The following COL10A1 variants were observed in gnomAD, a reference collection of about 807,000 sequenced individuals.
COL10A1 encodes the protein collagen type X alpha 1 chain.
A neutral mutation model predicts 18.2 loss-of-function variants in COL10A1; 10 were observed. The ratio of observed to expected loss-of-function variants is 0.55; its 90% CI spans 0.34 to 0.93. The LOEUF is 0.93. Ranked by LOEUF, COL10A1 falls within the 40% of genes least tolerant of loss-of-function variation. COL10A1 has a pLI of 0.02. For synonymous variants in COL10A1, 330 were observed against 316.6 expected, an observed-to-expected ratio of 1.04 and a Z score of -0.45; for missense variants, 897 against 853.5, an observed-to-expected ratio of 1.05 and a Z score of -0.64.
At chr6:116,178,103 G>C in the COL10A1 span, among the ~76,000 whole-genome samples, 3 of 95,146 alleles carry the variant, frequency 3.2e-5, no homozygotes, top group East Asian at 6.6e-4. Context: ...GCGCGCGCGC[G>C]TGCGTGCGTG....
upstream of COL10A1, among the ~76,000 whole-genome samples, chr6:116,162,187 TG>T (rs1389158594): frequency 1.3e-5 from 2 of 152,166 alleles, no homozygotes; most frequent in Admixed American, 6.6e-5. Flanking sequence ...AGGAATCATT[TG>T]GGTTTTTTAA....
chr6:116,153,260 G>A (rs920906169), intron 1 of COL10A1, among the ~76,000 whole-genome samples: 1 of 151,996 alleles, frequency 6.6e-6, no homozygotes, highest in Admixed American at 6.6e-5. Context: ...TATAAGATAT[G>A]TTATATAAGA....
chr6:116,143,353 G>A (rs1453451321), intron 1 of COL10A1, among the ~76,000 whole-genome samples: 3 of 152,176 alleles, frequency 2.0e-5, no homozygotes, highest in African/African-American at 4.8e-5. Flanking sequence ...TGGGATTATA[G>A]GCATGCATCA....
At chr6:116,178,678 A>G in the COL10A1 span, among the ~76,000 whole-genome samples, 1 of 152,240 alleles carries the variant, frequency 6.6e-6, no homozygotes, top group Admixed American at 6.5e-5. Flanking sequence ...TGAATAGTCC[A>G]AAATGTTATT....
upstream of COL10A1, among the ~76,000 whole-genome samples, chr6:116,129,955 T>G (rs1726032860): frequency 6.6e-6 from 1 of 151,954 alleles, no homozygotes; most frequent in Admixed American, 6.6e-5. Context: ...ACAAATACAT[T>G]TTTTGGCAAG....
chr6:116,166,201 CCCA>C, the COL10A1 span, among the ~76,000 whole-genome samples: 1 of 152,136 alleles, frequency 6.6e-6, no homozygotes, highest in African/African-American at 2.4e-5. Context: ...TTTCTGCAAC[CCCA>C]CATCAACCAG....
upstream of COL10A1, among the ~76,000 whole-genome samples, chr6:116,126,675 A>G (rs1392254342): frequency 2.6e-5 from 4 of 152,292 alleles, no homozygotes; most frequent in Non-Finnish European, 5.9e-5. Context: ...TATTCACAAC[A>G]CTACGCTATA....
chr6:116,164,155 T>G, the COL10A1 span, among the ~76,000 whole-genome samples: 2 of 152,342 alleles, frequency 1.3e-5, no homozygotes, highest in African/African-American at 2.4e-5. Context: ...GTTTTCTCCT[T>G]CAGTGATCTG....
chr6:116,187,042 T>C, the COL10A1 span, among the ~76,000 whole-genome samples: 17,166 of 152,066 alleles, frequency 0.11, 1,173 homozygotes, highest in East Asian at 0.26. Context: ...CAGATTCTTT[T>C]GTCCCACAGG....
At chr6:116,135,872 T>TATACAC (rs368675402) in intron 1 of COL10A1, among the ~76,000 whole-genome samples, 10 of 121,300 alleles carry the variant, frequency 8.2e-5, no homozygotes, top group African/African-American at 3.5e-4. Flanking sequence ...TATATATATA[T>TATACAC]ACACACATAC....
the COL10A1 span, among the ~76,000 whole-genome samples, chr6:116,178,096 C>CGCGT: frequency 1.9e-5 from 2 of 107,826 alleles, no homozygotes; most frequent in Admixed American, 1.8e-4. Flanking sequence ...TGTGCGCGCG[C>CGCGT]GCGCGCGTGC....
Position 116,120,189 on chromosome 6 carries a change from C to T in COL10A1, c.1927G>A (p.Asp643Asn), listed in dbSNP as rs201121404. 9.5e-5 allele frequency: 153 copies of T among 1,614,074 alleles called. No homozygotes were observed. In the African/African-American group the frequency reaches 1.5e-3, roughly 16 times the overall value. ...LDQASGSAII[D>N]LTENDQVWLQ... ...CACACCTGGTCATTTTCTGTGAGATCGATGATGGCACTCCCTGAAGCCTGA... is the reference window on the plus strand; with the variant it reads ...CACACCTGGTCATTTTCTGTGAGATTGATGATGGCACTCCCTGAAGCCTGA... The change falls in exon 3 of 3, where the codon GAT (aspartate) becomes AAT (asparagine). Residue 643 changes from aspartate (D) to asparagine (N), a missense_variant. Physicochemically the swap from Asp to Asn is conservative, Grantham distance 23. Transcript: ENST00000651968.
Position 116,120,633 on chromosome 6 carries a change from G to T in COL10A1, c.1483C>A (p.Pro495Thr). Residue 495 changes from proline to threonine, a missense_variant, in exon 3 of 3, where the codon CCA becomes ACA. Transcript: ENST00000651968. Reference protein sequence around the residue: ...LNGPTGPPGPPGPRGHSGEPG... With the variant: ...LNGPTGPPGPTGPRGHSGEPG... ...TCTCCAGAGTGGCCTCTTGGACCTGGAGGCCCTGGTGGCCCGGTGGGTCCA... is the reference window on the plus strand; with the variant it reads ...TCTCCAGAGTGGCCTCTTGGACCTGTAGGCCCTGGTGGCCCGGTGGGTCCA... 1 of 1,554,372 alleles carries T rather than the reference G, an allele frequency of 6.4e-7. No individual in the cohort carries two copies. The highest frequency in any genetic ancestry group is 8.6e-7 in the Non-Finnish European group (1 of 1,158,094).
At chr6:116,145,472 A>G (rs376416945) in intron 1 of COL10A1, 4 of 382,382 alleles carry the variant, frequency 1.0e-5, no homozygotes, top group East Asian at 1.5e-4. Context: ...TTCAGGATAT[A>G]TCTACAAGTT....
the COL10A1 span, among the ~76,000 whole-genome samples, chr6:116,167,846 G>T: frequency 1.3e-5 from 2 of 152,068 alleles, no homozygotes; most frequent in Non-Finnish European, 2.9e-5. Flanking sequence ...AATCATATCT[G>T]TGTATTGGAT....
chr6:116,123,314 A>T (rs571675845), intron 2 of COL10A1, among the ~76,000 whole-genome samples: 3 of 152,336 alleles, frequency 2.0e-5, no homozygotes, highest in African/African-American at 7.2e-5. Context: ...TCAACTTCTC[A>T]GTGCGAGAAA....
chr6:116,194,061 C>CAAA, the COL10A1 span, among the ~76,000 whole-genome samples: 9 of 151,688 alleles, frequency 5.9e-5, no homozygotes, highest in Non-Finnish European at 1.0e-4. Flanking sequence ...ACAACAACAA[C>CAAA]AAAAGAATAT....
the COL10A1 span, among the ~76,000 whole-genome samples, chr6:116,213,921 T>C: frequency 3.9e-5 from 6 of 152,108 alleles, no homozygotes; most frequent in Admixed American, 3.3e-4. Flanking sequence ...TTTTTGTTTT[T>C]TAAGAGATGG....
At chr6:116,126,887 A>G (rs1426229291), upstream of COL10A1, among the ~76,000 whole-genome samples, 1 of 152,206 alleles carries the variant, frequency 6.6e-6, no homozygotes, top group Non-Finnish European at 1.5e-5. Context: ...GCAGTTAGGA[A>G]TCATCCCAAT....
Sources: allele counts gnomAD v4.1 joint callset (sites outside exome capture counted in the v4.1 genomes callset), GRCh38; gene constraint gnomAD v4.1.1; transcripts MANE v1.5; gene names NCBI Gene and HGNC (gene_info 2026-07-23, HGNC 2026-07-21).